GDI2: variants seen among roughly 807,000 people sequenced by gnomAD.
The protein encoded by GDI2 is GDP dissociation inhibitor 2, also known as rab GDP dissociation inhibitor beta.
GDI2 carries 22 observed loss-of-function variants against 54.2 expected under a neutral mutation model. That is an observed-to-expected ratio of 0.41 (90% confidence interval 0.29 to 0.58). The LOEUF is 0.58. Ranked by LOEUF, GDI2 falls within the 20% of genes least tolerant of loss-of-function variation. GDI2 has a pLI of 0.35. For missense variants in GDI2, 422 were observed against 546.0 expected (o/e 0.77, Z 2.26); for synonymous variants, 177 against 182.1 (o/e 0.97, Z 0.23).
At chr10:5,803,485 T>G (rs2131718202) in intron 1 of GDI2, among the ~76,000 whole-genome samples, 1 of 152,306 alleles carries the variant, frequency 6.6e-6, no homozygotes, top group African/African-American at 2.4e-5. Context: ...TGTAATCGGT[T>G]TATTATTTGT....
chr10:5,813,014 C>T (rs1487684082), intron 1 of GDI2, among the ~76,000 whole-genome samples, 200 bp downstream of exon 1: 2 of 152,214 alleles, frequency 1.3e-5, no homozygotes, highest in Middle Eastern at 3.2e-3. Context: ...GCCTGCCCCT[C>T]ACACTGGGAG....
At chr10:5,801,114 G>A (rs1020676806) in intron 1 of GDI2, among the ~76,000 whole-genome samples, 1 of 151,890 alleles carries the variant, frequency 6.6e-6, no homozygotes, top group African/African-American at 2.4e-5. Context: ...ACCACACCCG[G>A]CTAATTTTTT....
chr10:5,803,795 G>A (rs977572446), intron 1 of GDI2, among the ~76,000 whole-genome samples: 1 of 152,016 alleles, frequency 6.6e-6, no homozygotes, highest in Non-Finnish European at 1.5e-5. Flanking sequence ...CACAGAGATG[G>A]GGCATATAAT....
At chr10:5,775,164 T>C (rs1262462930) in intron 6 of GDI2, among the ~76,000 whole-genome samples, 1 of 152,220 alleles carries the variant, frequency 6.6e-6, no homozygotes, top group African/African-American at 2.4e-5. Flanking sequence ...GGCACTCATC[T>C]GTAGTCCCAG....
Position 5,768,333 on chromosome 10 carries a change from C to T in GDI2, c.871G>A (p.Val291Ile). The T allele has an allele frequency of 1.2e-6, 2 of 1,613,464 alleles. No individual in the cohort carries two copies. Among genetic ancestry groups the T allele is most frequent in the Non-Finnish European group, 1.7e-6 (2 of 1,179,376 alleles). ...ICDPSYVKDRVEKVGQVIRVI... is the reference protein window; with the variant it reads ...ICDPSYVKDRIEKVGQVIRVI... ...CTGATCACCTGGCCCACTTTTTCTA[C>T]CCGATCTTTTACGTAGCTGGGGTCA... The change falls in exon 8 of 11, where the codon GTA becomes ATA. Residue 291 changes from valine (V) to isoleucine (I), a missense_variant. Val to Ile is a conservative substitution (Grantham distance 29, BLOSUM62 3). Coordinates refer to ENST00000380191, the MANE Select transcript of GDI2 (RefSeq NM_001494.4). This position sits in a 1 kb window ranked among gnomAD's most constrained non-coding sequence, Gnocchi z 4.4.
Position 5,785,168 on chromosome 10 carries a change from A to G in GDI2, c.693T>C (p.Leu231=). The G allele has an allele frequency of 6.2e-7, 1 of 1,603,792 alleles. No homozygotes were observed. The highest frequency in any genetic ancestry group is 1.1e-5 in the South Asian group (1 of 88,646). Residue 231 remains leucine (L), a synonymous_variant, in exon 6 of 11, where the codon CTT becomes CTC. Transcript: ENST00000380191. ...KSPYLYPLYG[L]GELPQGFARL... is the part of the protein sequence containing the mutation. Reference sequence around the variant, plus strand: ...TTGCAAATCCTTGGGGCAGTTCTCCAAGGCCATAGAGTGGATAAAGGTATG... The same window carrying G: ...TTGCAAATCCTTGGGGCAGTTCTCCGAGGCCATAGAGTGGATAAAGGTATG...
In GDI2 at chr10:5,768,175, C is replaced by A. The variant is rs199949759; in HGVS notation, c.991+38G>T. 2 of 1,558,486 alleles carry A rather than the reference C, an allele frequency of 1.3e-6. No individual in the cohort carries two copies. The highest frequency in any genetic ancestry group is 8.8e-7 in the Non-Finnish European group (1 of 1,132,616). On this transcript the variant is annotated intron_variant, in intron 8 of 10. Transcript: ENST00000380191. This position sits in a 1 kb window ranked among gnomAD's most constrained non-coding sequence, Gnocchi z 4.4. ...AAAACACAAAGCAAATTATATCTTA[C>A]AAAATTCTACCAACATCTGCTGGTC...
At chr10:5,807,775 A>C (rs999013677) in intron 1 of GDI2, among the ~76,000 whole-genome samples, 2 of 152,246 alleles carry the variant, frequency 1.3e-5, no homozygotes, top group African/African-American at 4.8e-5. Flanking sequence ...TCAGCACCCT[A>C]CACATACCAC....
At chr10:5,811,202 G>A (rs1419205543) in intron 1 of GDI2, among the ~76,000 whole-genome samples, 1 of 152,072 alleles carries the variant, frequency 6.6e-6, no homozygotes, top group Non-Finnish European at 1.5e-5. Context: ...TGGTAATAAT[G>A]TGATTGTCCT....
chr10:5,785,216 A>G lies in GDI2; in HGVS notation c.645T>C (p.Ser215=). 6.2e-7 allele frequency: 1 copy of G among 1,607,684 alleles called. No homozygotes were observed. Among genetic ancestry groups the G allele is most frequent in the Non-Finnish European group, 8.5e-7 (1 of 1,174,318 alleles). Reference sequence around the variant, plus strand: ...ATGGGCTTTTGCCATATCTTGCCAAAGATTCACTGTAAAGTTTAATTCTAT... The same window carrying G: ...ATGGGCTTTTGCCATATCTTGCCAAGGATTCACTGTAAAGTTTAATTCTAT... ...TINRIKLYSE[S]LARYGKSPYL... is the part of the protein sequence containing the mutation. The change falls in exon 6 of 11, where the codon TCT becomes TCC. Residue 215 remains serine, a synonymous_variant. Transcript: ENST00000380191.
At chr10:5,802,148 A>T (rs1841284482) in intron 1 of GDI2, among the ~76,000 whole-genome samples, 1 of 152,218 alleles carries the variant, frequency 6.6e-6, no homozygotes, top group African/African-American at 2.4e-5. Context: ...AAGCTGAACT[A>T]GCCGCTTTTT....
chr10:5,772,678 A>C (rs1840517132), intron 7 of GDI2, among the ~76,000 whole-genome samples: 1 of 152,144 alleles, frequency 6.6e-6, no homozygotes, highest in Non-Finnish European at 1.5e-5. Context: ...AATCACTTGA[A>C]CCTGGAAGGT....
chr10:5,791,111 G>A (rs1231252583), intron 4 of GDI2, among the ~76,000 whole-genome samples: 1 of 152,108 alleles, frequency 6.6e-6, no homozygotes, highest in East Asian at 1.9e-4. Flanking sequence ...GGGCAGCATA[G>A]CAAGACCTCA....
In GDI2 at chr10:5,784,237, C is replaced by T. The variant is rs1189702843; in HGVS notation, c.719+905G>A. On this transcript the variant is annotated intron_variant, in intron 6 of 10. Coordinates refer to ENST00000380191, the MANE Select transcript of GDI2 (RefSeq NM_001494.4). ...ATTCTATTGCTGAGACTTTCCAGTG[C>T]ATTTTGCATGTCTCTAAGTGTGTCC... Among the ~76,000 whole-genome samples the T allele has an allele frequency of 2.0e-5, 3 of 152,160 alleles. No homozygotes were observed. The East Asian group carries it at 5.8e-4, about 29-fold the overall frequency.
At chr10:5,780,940 A>G (rs1407358746) in intron 6 of GDI2, among the ~76,000 whole-genome samples, 3 of 152,214 alleles carry the variant, frequency 2.0e-5, no homozygotes, top group Non-Finnish European at 2.9e-5. Flanking sequence ...CACCCAAAAC[A>G]AATTCTGAAG....
chr10:5,775,072 G>C (rs1840588546), intron 6 of GDI2, among the ~76,000 whole-genome samples: 1 of 152,212 alleles, frequency 6.6e-6, no homozygotes, highest in South Asian at 2.1e-4. Context: ...CAGATGGCTT[G>C]AACGCAGGAG....
Position 5,776,358 on chromosome 10 carries a change from A to AG in GDI2, c.720-2418dup. ...CTCTGCTGAGGATGCAGAGAGCCAG[A>AG]GCCCCCTTTCTCAGAAGCACAGCCC... On this transcript the variant is annotated intron_variant, in intron 6 of 10. Transcript: ENST00000380191. This position sits in a 1 kb window ranked among gnomAD's most constrained non-coding sequence, Gnocchi z 5.3. 1 of 678,240 alleles carries AG rather than the reference A, an allele frequency of 1.5e-6. No homozygotes were observed. The highest frequency in any genetic ancestry group is 2.7e-6 in the Non-Finnish European group (1 of 371,382). 42.0% of individuals were successfully genotyped at this position (678,240 alleles called of 1,614,324 possible). A position where few individuals can be genotyped will look rare whatever the true frequency, so the allele number is the denominator to read the frequency against.
At chr10:5,770,188 G>T (rs1840454362) in intron 7 of GDI2, among the ~76,000 whole-genome samples, 2 of 152,170 alleles carry the variant, frequency 1.3e-5, no homozygotes, top group South Asian at 2.1e-4. Context: ...CATAGAGAAA[G>T]AAAGTAGAAT....
intron 8 of GDI2, among the ~76,000 whole-genome samples, chr10:5,767,554 G>A (rs1377215068): frequency 6.6e-6 from 1 of 151,944 alleles, no homozygotes. Context: ...TGAACCCCTG[G>A]CCTCAAGCAA....
Sources: allele counts gnomAD v4.1 joint callset (sites outside exome capture counted in the v4.1 genomes callset), GRCh38; gene constraint gnomAD v4.1.1; non-coding constraint Gnocchi (gnomAD v3.1); transcripts MANE v1.5; gene names NCBI Gene and HGNC (gene_info 2026-07-23, HGNC 2026-07-21).